RAD18: variants seen among roughly 807,000 people sequenced by gnomAD.
RAD18 encodes the protein RAD18 E3 ubiquitin protein ligase.
RAD18 carries 47 observed loss-of-function variants against 60.4 expected under a neutral mutation model. The ratio of observed to expected loss-of-function variants is 0.78; its 90% CI spans 0.62 to 0.99. The LOEUF is 0.99. Ranked by LOEUF, RAD18 falls within the 50% of genes least tolerant of loss-of-function variation. The pLI is 0.00. For missense variants in RAD18, 640 were observed against 593.3 expected, an observed-to-expected ratio of 1.08 and a Z score of -0.82; for synonymous variants, 225 against 195.5, an observed-to-expected ratio of 1.15 and a Z score of -1.26.
intron 11 of RAD18, among the ~76,000 whole-genome samples, chr3:8,894,902 A>G (rs574817150): frequency 1.3e-5 from 2 of 151,936 alleles, no homozygotes; most frequent in East Asian, 3.9e-4. Context: ...CTGGGATTAC[A>G]GGCACATGCT....
chr3:8,939,693 G>A, intron 5 of RAD18, 40 bp from the exon 6 acceptor site: 1 of 1,538,590 alleles, frequency 6.5e-7, no homozygotes, highest in Non-Finnish European at 8.9e-7. Flanking sequence ...TTTATTAATT[G>A]TAGAAGGGGC....
chr3:8,902,630 G>A lies in RAD18; in HGVS notation c.1028-110C>T, dbSNP rs558881643. Reference sequence around the variant, plus strand: ...ACAAGGGATGGGCATGGTGGCTTACGCCTGTAATCCCAGCACTTCAGGAGC... The same window carrying A: ...ACAAGGGATGGGCATGGTGGCTTACACCTGTAATCCCAGCACTTCAGGAGC... On this transcript the variant is annotated intron_variant, in intron 9 of 12. Transcript: ENST00000264926. 1,352 of 1,117,866 alleles carry A rather than the reference G, an allele frequency of 1.2e-3. 2 individuals carry two copies. Among genetic ancestry groups the A allele is most frequent in the Admixed American group, 2.4e-3 (83 of 34,098 alleles). The allele number at this position is 1,117,866 out of a possible 1,614,324, so 69.2% of individuals were successfully genotyped here.
chr3:8,904,646 A>G (rs1335950626), intron 9 of RAD18, among the ~76,000 whole-genome samples: 1 of 152,206 alleles, frequency 6.6e-6, no homozygotes, highest in East Asian at 1.9e-4. Flanking sequence ...ATTTCACTCT[A>G]CGCACTTGAG....
chr3:8,914,987 AAAT>A (rs1459464522), intron 7 of RAD18, among the ~76,000 whole-genome samples: 2 of 151,796 alleles, frequency 1.3e-5, no homozygotes, highest in African/African-American at 2.4e-5. Context: ...AAATAAAAAA[AAAT>A]TTTTTAAAAT....
chr3:8,937,885 A>T (rs555540275), intron 6 of RAD18, among the ~76,000 whole-genome samples: 1 of 152,290 alleles, frequency 6.6e-6, no homozygotes, highest in East Asian at 1.9e-4. Flanking sequence ...AATTTAAACC[A>T]CTATTAGAAC....
intron 7 of RAD18, among the ~76,000 whole-genome samples, chr3:8,923,490 G>T (rs1297158907): frequency 6.6e-6 from 1 of 152,128 alleles, no homozygotes; most frequent in African/African-American, 2.4e-5. Flanking sequence ...AAAACACTCT[G>T]CAGGATATTA....
rs534842690 is a variant in RAD18, at chr3:8,892,519, T to C, written c.1323-2068A>G. Among the ~76,000 whole-genome samples, 5 of 152,294 alleles carry C rather than the reference T, an allele frequency of 3.3e-5. No homozygotes were observed. The South Asian group carries it at 1.0e-3, about 32-fold the overall frequency. ...ACCTGCAATTTATTTTTCACACCTT[T>C]TAGTCAGCTTTTAGCCTTATTTTCA... On this transcript the variant is annotated intron_variant, in intron 11 of 12. Coordinates refer to ENST00000264926, the MANE Select transcript of RAD18 (RefSeq NM_020165.4).
At chr3:8,882,787 G>T (rs2125044326) in intron 12 of RAD18, among the ~76,000 whole-genome samples, 1 of 152,274 alleles carries the variant, frequency 6.6e-6, no homozygotes, top group African/African-American at 2.4e-5. Flanking sequence ...TGCACTGAAG[G>T]TCACATTAGT....
At chr3:8,935,009 T>C (rs1401616237) in intron 7 of RAD18, among the ~76,000 whole-genome samples, 2 of 152,048 alleles carry the variant, frequency 1.3e-5, no homozygotes, top group African/African-American at 2.4e-5. Context: ...ATAGGCAAAA[T>C]GAACATATGG....
At chr3:8,910,761 G>A (rs1426277184) in intron 9 of RAD18, among the ~76,000 whole-genome samples, 1 of 152,144 alleles carries the variant, frequency 6.6e-6, no homozygotes, top group African/African-American at 2.4e-5. Context: ...GCAAAGGTAG[G>A]GCTCAGGATA....
At chr3:8,903,968 G>C (rs897020527) in intron 9 of RAD18, among the ~76,000 whole-genome samples, 9 of 152,162 alleles carry the variant, frequency 5.9e-5, no homozygotes, top group African/African-American at 2.2e-4. Flanking sequence ...ACTCTCCCAA[G>C]ATTCCAGCCA....
intron 4 of RAD18, among the ~76,000 whole-genome samples, chr3:8,944,275 G>A (rs580671): frequency 0.84 from 127,189 of 152,160 alleles, 53,388 homozygotes; most frequent in South Asian, 0.9. Context: ...CTTATTATCT[G>A]TTAAAGAAAC....
chr3:8,903,304 T>C (rs747206248), intron 9 of RAD18, among the ~76,000 whole-genome samples: 18 of 152,194 alleles, frequency 1.2e-4, no homozygotes, highest in Non-Finnish European at 2.5e-4. Flanking sequence ...TTCTTAAATA[T>C]ATACAAATGA....
intron 12 of RAD18, 56 bp from the exon 13 acceptor site, chr3:8,881,515 T>C: frequency 7.2e-7 from 1 of 1,391,776 alleles, no homozygotes; most frequent in Non-Finnish European, 1.0e-6. Flanking sequence ...TGTACAGCAG[T>C]TTCTAGTTTA....
chr3:8,933,790 T>A lies in RAD18; in HGVS notation c.889+2081A>T, dbSNP rs529056170. ...AAATTGATCTATAAATTCAATGTAA[T>A]CCCAATTTAAAAACTTATATGGAAA... is the stretch of plus-strand genomic sequence containing the variant. On this transcript the variant is annotated intron_variant, in intron 7 of 12. Transcript: ENST00000264926. Among the ~76,000 whole-genome samples, 130 of 152,144 alleles carry A rather than the reference T, an allele frequency of 8.5e-4. No homozygotes were observed. The South Asian group carries it at 0.026, about 31-fold the overall frequency.
At chr3:8,913,216 C>CA (rs1940132422) in intron 8 of RAD18, among the ~76,000 whole-genome samples, 1 of 152,176 alleles carries the variant, frequency 6.6e-6, no homozygotes, top group African/African-American at 2.4e-5. Flanking sequence ...ATTCCATCCT[C>CA]AAATTACTTA....
intron 10 of RAD18, among the ~76,000 whole-genome samples, chr3:8,899,637 G>A (rs1559762111): frequency 6.6e-6 from 1 of 152,108 alleles, no homozygotes; most frequent in Non-Finnish European, 1.5e-5. Flanking sequence ...GTCTCTTATT[G>A]CAGATAAAAA....
chr3:8,930,328 G>C (rs1475641150), intron 7 of RAD18, among the ~76,000 whole-genome samples: 3 of 152,166 alleles, frequency 2.0e-5, no homozygotes. Flanking sequence ...ATGCTATATG[G>C]TTCCACTTAA....
Position 8,956,751 on chromosome 3 carries a change from A to T in RAD18, c.133+2169T>A, listed in dbSNP as rs535043065. Among the ~76,000 whole-genome samples the T allele has an allele frequency of 8.0e-5, 7 of 88,008 alleles. No individual in the cohort carries two copies. The South Asian group carries it at 1.3e-3, about 16-fold the overall frequency. 57.7% of individuals were successfully genotyped at this position (88,008 alleles called of 152,430 possible). On this transcript the variant is annotated intron_variant, in intron 2 of 12. Coordinates refer to ENST00000264926, the MANE Select transcript of RAD18 (RefSeq NM_020165.4). Reference sequence around the variant, plus strand: ...AAAATTCAACACCCATTCATGATTTAAAAAAAAAAATCCTCTCGCCTAACC... The same window carrying T: ...AAAATTCAACACCCATTCATGATTTTAAAAAAAAAATCCTCTCGCCTAACC...
Sources: gnomAD v4.1 joint callset for allele counts (sites outside exome capture counted in the v4.1 genomes callset) on GRCh38, gnomAD v4.1.1 for gene constraint, MANE v1.5 for transcripts, NCBI Gene and HGNC (gene_info 2026-07-23, HGNC 2026-07-21) for gene names.